SH3BP4: variants seen among roughly 807,000 people sequenced by gnomAD.
The protein encoded by SH3BP4 is SH3 domain binding protein 4.
In SH3BP4, 33 loss-of-function variants were observed where a neutral mutation model predicts 65.5. That is an observed-to-expected ratio of 0.50 (90% CI 0.38 to 0.67). The LOEUF (loss-of-function observed/expected upper bound fraction) is 0.67. Among genes scored for constraint, SH3BP4 ranks in the 30% least tolerant of loss-of-function variants. The probability of loss-of-function intolerance (pLI) is 0.00; values close to 1 mark genes in which losing one functional copy is unlikely to be tolerated. For synonymous variants in SH3BP4, 552 were observed against 545.5 expected (o/e 1.01, Z -0.17); for missense variants, 1,134 against 1,261.4 (o/e 0.90, Z 1.53).
intron 1 of SH3BP4, among the ~76,000 whole-genome samples, chr2:234,963,577 G>A (rs536265279): frequency 1.3e-5 from 2 of 152,306 alleles, no homozygotes; most frequent in East Asian, 3.9e-4. Flanking sequence ...TGCCTTAAAC[G>A]CATACTTCAG....
In SH3BP4 at chr2:234,997,012, C is replaced by T. The variant is rs1167353696; in HGVS notation, c.-133+1636C>T. 2.6e-5 allele frequency among the ~76,000 whole-genome samples: 4 copies of T among 152,332 alleles called. No homozygotes were observed. The highest frequency in any genetic ancestry group is 2.1e-4 in the South Asian group (1 of 4,828). On this transcript the variant is annotated intron_variant, in intron 2 of 5. Transcript: ENST00000392011. This position sits in a 1 kb window ranked among gnomAD's most constrained non-coding sequence, Gnocchi z 4.2. Reference sequence around the variant, plus strand: ...AGGAACGGGAGGGTGGGACGGGTGCCGCCATCCCACAGCGGTGCCCGCTTG... The same window carrying T: ...AGGAACGGGAGGGTGGGACGGGTGCTGCCATCCCACAGCGGTGCCCGCTTG...
intron 2 of SH3BP4, among the ~76,000 whole-genome samples, chr2:235,031,167 T>G (rs1324401482): frequency 6.6e-6 from 1 of 152,124 alleles, no homozygotes; most frequent in African/African-American, 2.4e-5. Context: ...ACTTCCCTGC[T>G]TGGCTTCTCT....
intron 2 of SH3BP4, among the ~76,000 whole-genome samples, chr2:234,996,179 C>T (rs1443226247): frequency 6.6e-6 from 1 of 152,150 alleles, no homozygotes; most frequent in Non-Finnish European, 1.5e-5. Context: ...TCTAAGTAAA[C>T]GCTACGTTTG....
At chr2:235,007,515 GT>G (rs1694333603) in intron 2 of SH3BP4, among the ~76,000 whole-genome samples, 1 of 152,198 alleles carries the variant, frequency 6.6e-6, no homozygotes, top group Non-Finnish European at 1.5e-5. Flanking sequence ...AGATCGTGCA[GT>G]GCCCAGGACA....
At chr2:235,012,716 T>A (rs187918687) in intron 2 of SH3BP4, among the ~76,000 whole-genome samples, 120 of 152,302 alleles carry the variant, frequency 7.9e-4, no homozygotes, top group Non-Finnish European at 1.5e-3. Context: ...CATCTAACCC[T>A]AAAATGCGTT....
In SH3BP4 at chr2:235,041,952, A is replaced by G. The variant is rs1234352455; in HGVS notation, c.1183A>G (p.Met395Val). The change falls in exon 4 of 6, where the codon ATG becomes GTG. Residue 395 changes from methionine to valine, a missense_variant. Physicochemically the swap from Met to Val is conservative, Grantham distance 21. Coordinates refer to ENST00000392011, the MANE Select transcript of SH3BP4 (RefSeq NM_014521.3). The surrounding 1 kb of genome is among the most constrained non-coding windows in gnomAD (Gnocchi z 6.0). ...LEVKTSIILE[M>V]KVSAEIKNDL... ...GGTGAAAACCTCTATCATCTTGGAG[A>G]TGAAAGTGTCAGCCGAGATAAAAAA... 3.7e-6 allele frequency: 6 copies of G among 1,613,462 alleles called. No individual in the cohort carries two copies. The highest frequency in any genetic ancestry group is 5.1e-6 in the Non-Finnish European group (6 of 1,179,558).
At chr2:235,038,046 C>G (rs1320043530) in intron 3 of SH3BP4, among the ~76,000 whole-genome samples, 1 of 150,886 alleles carries the variant, frequency 6.6e-6, no homozygotes, top group East Asian at 2.0e-4. Flanking sequence ...CTCATTGAGT[C>G]CCCGCTACGC....
At chr2:234,990,914 C>G (rs774735863) in intron 1 of SH3BP4, among the ~76,000 whole-genome samples, 1 of 152,080 alleles carries the variant, frequency 6.6e-6, no homozygotes, top group Non-Finnish European at 1.5e-5. Flanking sequence ...AGAAGCCTCA[C>G]CCCCCATCTT....
At chr2:234,959,208 C>A (rs1692651956) in intron 1 of SH3BP4, among the ~76,000 whole-genome samples, 1 of 152,214 alleles carries the variant, frequency 6.6e-6, no homozygotes, top group Non-Finnish European at 1.5e-5. Flanking sequence ...CCTTCTCAGA[C>A]ACACCCGAGG....
intron 1 of SH3BP4, among the ~76,000 whole-genome samples, chr2:234,989,855 T>C (rs1022138569): frequency 1.3e-5 from 2 of 152,224 alleles, no homozygotes; most frequent in Admixed American, 1.3e-4. Flanking sequence ...GTAGTTTGCC[T>C]CTGGGTTGGA....
chr2:234,960,273 A>G (rs1240612865), intron 1 of SH3BP4, among the ~76,000 whole-genome samples: 1 of 151,172 alleles, frequency 6.6e-6, no homozygotes, highest in East Asian at 1.9e-4. Flanking sequence ...ACGTTTCCTT[A>G]CCCCTGTCCC....
chr2:234,975,720 A>G (rs1231793772), intron 1 of SH3BP4, among the ~76,000 whole-genome samples: 1 of 152,062 alleles, frequency 6.6e-6, no homozygotes, highest in East Asian at 1.9e-4. Flanking sequence ...TGCAAAAAAC[A>G]TGAAAATTAG....
chr2:234,985,385 G>A (rs1236896753), intron 1 of SH3BP4, among the ~76,000 whole-genome samples: 1 of 152,144 alleles, frequency 6.6e-6, no homozygotes, highest in African/African-American at 2.4e-5. Context: ...TCAAAAGTGT[G>A]CGTGAATGAA....
chr2:235,045,000 G>A (rs557707996), intron 4 of SH3BP4, among the ~76,000 whole-genome samples: 9 of 152,276 alleles, frequency 5.9e-5, no homozygotes, highest in East Asian at 3.9e-4. Context: ...GGAAGCCTCC[G>A]GGCCCCCATG....
chr2:235,023,010 C>G (rs1694891498), intron 2 of SH3BP4, among the ~76,000 whole-genome samples: 2 of 152,060 alleles, frequency 1.3e-5, no homozygotes, highest in Non-Finnish European at 1.5e-5. Flanking sequence ...GTAATAAGGC[C>G]AGGAGAAATA....
intron 2 of SH3BP4, among the ~76,000 whole-genome samples, chr2:235,028,260 G>T (rs756944524): frequency 1.3e-5 from 2 of 152,228 alleles, no homozygotes; most frequent in Non-Finnish European, 2.9e-5. Flanking sequence ...TCCAGTGGTG[G>T]CTGTCCTGCC....
intron 2 of SH3BP4, among the ~76,000 whole-genome samples, chr2:235,000,952 C>G (rs1178757919): frequency 6.6e-6 from 1 of 152,262 alleles, no homozygotes; most frequent in Non-Finnish European, 1.5e-5. Flanking sequence ...CAGCTCTGGA[C>G]TTTGCTCTCA....
At chr2:235,017,962 T>C (rs1694741638) in intron 2 of SH3BP4, among the ~76,000 whole-genome samples, 1 of 152,144 alleles carries the variant, frequency 6.6e-6, no homozygotes, top group South Asian at 2.1e-4. Flanking sequence ...TTGGGTCCTA[T>C]CAACACCACC....
intron 3 of SH3BP4, among the ~76,000 whole-genome samples, chr2:235,038,375 A>T (rs1280076340): frequency 2.5e-5 from 1 of 40,032 alleles, no homozygotes; most frequent in Non-Finnish European, 4.5e-5. Flanking sequence ...TAATATATAT[A>T]CATATATATA....
Sources: gnomAD v4.1 joint callset for allele counts (sites outside exome capture counted in the v4.1 genomes callset) on GRCh38, gnomAD v4.1.1 for gene constraint, Gnocchi (gnomAD v3.1) non-coding constraint, MANE v1.5 for transcripts, NCBI Gene and HGNC (gene_info 2026-07-23, HGNC 2026-07-21) for gene names.